EPHX1: variants seen among roughly 807,000 people sequenced by gnomAD.
EPHX1 encodes the protein epoxide hydratase.
EPHX1 carries 40 observed loss-of-function variants against 43.2 expected under a neutral mutation model. The observed-to-expected ratio is 0.93, with a 90% CI of 0.72 to 1.21. EPHX1 has a LOEUF of 1.21. Among genes scored for constraint, EPHX1 ranks in the 50% most tolerant of loss-of-function variants. The pLI is 0.00. For synonymous variants in EPHX1, 221 were observed against 226.7 expected (o/e 0.98, Z 0.22); for missense variants, 550 against 570.4 (o/e 0.96, Z 0.36).
At chr1:225,832,459 C>T (rs1667663891) in intron 3 of EPHX1, among the ~76,000 whole-genome samples, 2 of 152,208 alleles carry the variant, frequency 1.3e-5, no homozygotes, top group African/African-American at 2.4e-5. Flanking sequence ...TGCTTGAAGC[C>T]AGGAGGCGGA....
intron 1 of EPHX1, among the ~76,000 whole-genome samples, chr1:225,811,899 G>A (rs543963750): frequency 1.3e-5 from 2 of 152,266 alleles, no homozygotes; most frequent in Non-Finnish European, 2.9e-5. Flanking sequence ...AGGGGCAGAG[G>A]GATAATAAAC....
intron 1 of EPHX1, among the ~76,000 whole-genome samples, chr1:225,819,770 G>A (rs1439559498): frequency 6.6e-6 from 1 of 152,150 alleles, no homozygotes; most frequent in African/African-American, 2.4e-5. Context: ...GGTACTGTCT[G>A]GGCCCCAGGT....
chr1:225,826,556 C>T (rs936356647), intron 1 of EPHX1, among the ~76,000 whole-genome samples: 1 of 143,232 alleles, frequency 7.0e-6, no homozygotes, highest in Admixed American at 7.0e-5. Context: ...AAGGCCTGCC[C>T]CCTGGCACAT....
intron 3 of EPHX1, among the ~76,000 whole-genome samples, chr1:225,833,504 AAG>A: frequency 6.6e-6 from 1 of 152,084 alleles, no homozygotes; most frequent in Non-Finnish European, 1.5e-5. Flanking sequence ...CTCTTAAAAA[AAG>A]AGAGAGAGGC....
chr1:225,830,017 G>T (rs971978070), intron 2 of EPHX1, among the ~76,000 whole-genome samples: 4 of 152,314 alleles, frequency 2.6e-5, no homozygotes, highest in Admixed American at 6.5e-5. Flanking sequence ...GGCAGAGGCT[G>T]CAGTGAGCCA....
intron 1 of EPHX1, among the ~76,000 whole-genome samples, chr1:225,826,164 G>A (rs1667222724): frequency 6.6e-6 from 1 of 152,042 alleles, no homozygotes. Context: ...GCTTGGGATT[G>A]AAAGATGAAA....
At chr1:225,810,542 C>T (rs1031975141) in intron 1 of EPHX1, 5 of 152,082 alleles carry the variant, frequency 3.3e-5, no homozygotes, top group South Asian at 2.1e-4. Context: ...GTGAAATGCA[C>T]TTAATTTGTC....
chr1:225,845,431 A>G lies in EPHX1; in HGVS notation c.*84A>G, dbSNP rs553619695. ...GGGGAAGATACCCCTTTTCTGAGGA[A>G]TGAGTTTGCCTCCGTCCCCTGCCCA... On this transcript the variant is annotated 3_prime_UTR_variant, in exon 9 of 9. Transcript: ENST00000272167. 1.7e-5 allele frequency: 24 copies of G among 1,439,174 alleles called. No individual in the cohort carries two copies. In the African/African-American group the frequency reaches 3.2e-4, roughly 19 times the overall value. 89.2% of individuals were successfully genotyped at this position (1,439,174 alleles called of 1,614,324 possible).
At chr1:225,827,122 C>T (rs1320034868) in intron 1 of EPHX1, among the ~76,000 whole-genome samples, 1 of 152,192 alleles carries the variant, frequency 6.6e-6, no homozygotes, top group Non-Finnish European at 1.5e-5. Flanking sequence ...CAGCTCTTGA[C>T]AGGAGCAAAC....
chr1:225,822,228 C>T (rs989967187), intron 1 of EPHX1, among the ~76,000 whole-genome samples: 2 of 152,106 alleles, frequency 1.3e-5, no homozygotes, highest in African/African-American at 2.4e-5. Flanking sequence ...ATCTTCCAGT[C>T]ACGTTTTTAA....
intron 2 of EPHX1, among the ~76,000 whole-genome samples, chr1:225,829,461 C>A (rs571983219): frequency 6.6e-6 from 1 of 152,260 alleles, no homozygotes; most frequent in East Asian, 1.9e-4. Context: ...AGCTAACATG[C>A]GGAAGGATTT....
intron 1 of EPHX1, 77 bp from the exon 2 acceptor site, chr1:225,828,648 C>T (rs1397697011): frequency 2.7e-6 from 4 of 1,493,736 alleles, no homozygotes; most frequent in African/African-American, 1.4e-5. Flanking sequence ...AAAGAGCCTG[C>T]TGGGGATCAG....
intron 1 of EPHX1, among the ~76,000 whole-genome samples, chr1:225,815,548 C>T (rs769278199): frequency 9.2e-5 from 14 of 152,066 alleles, no homozygotes; most frequent in African/African-American, 2.9e-4. Context: ...CCACGGCACC[C>T]GGTCGAGATG....
chr1:225,814,153 G>C (rs1666613171), intron 1 of EPHX1, among the ~76,000 whole-genome samples: 1 of 152,318 alleles, frequency 6.6e-6, no homozygotes. Flanking sequence ...TGTAATCCCA[G>C]CATTTTGGGA....
At chr1:225,829,462 G>A (rs1455700319) in intron 2 of EPHX1, among the ~76,000 whole-genome samples, 9 of 152,184 alleles carry the variant, frequency 5.9e-5, no homozygotes, top group African/African-American at 1.2e-4. Context: ...GCTAACATGC[G>A]GAAGGATTTG....
Position 225,817,637 on chromosome 1 carries a change from T to G in EPHX1, c.-6+7468T>G, listed in dbSNP as rs1351960564. 1.3e-5 allele frequency among the ~76,000 whole-genome samples: 2 copies of G among 152,130 alleles called. No individual in the cohort carries two copies. Among genetic ancestry groups the G allele is most frequent in the Non-Finnish European group, 2.9e-5 (2 of 68,000 alleles). On this transcript the variant is annotated intron_variant, in intron 1 of 8. Transcript: ENST00000272167. This position sits in a 1 kb window ranked among gnomAD's most constrained non-coding sequence, Gnocchi z 5.7. ...TCCCTTACCCTCTCTGCCCCCACAC[T>G]TTCCTCCCCAAAGTGGCAGACTTCC...
Position 225,844,010 on chromosome 1 carries a change from G to A in EPHX1, c.1041-488G>A, listed in dbSNP as rs528434224. ...TGGAAGGTGGGGTGGGGGCTGTGGA[G>A]TATGCATCCTGGACCCAAGCTGGCT... On this transcript the variant is annotated intron_variant, in intron 7 of 8. Transcript: ENST00000272167. Among the ~76,000 whole-genome samples the A allele has an allele frequency of 2.6e-5, 4 of 152,158 alleles. No homozygotes were observed. The South Asian group carries it at 8.3e-4, about 32-fold the overall frequency.
At position 225,831,787 on chromosome 1, in the gene EPHX1, C is replaced by T. The variant is rs1039848704; in HGVS notation, c.192C>T (p.His64=). 14 of 1,613,912 alleles carry T rather than the reference C, an allele frequency of 8.7e-6. No homozygotes were observed. The highest frequency in any genetic ancestry group is 1.1e-5 in the Non-Finnish European group (13 of 1,180,050). The stretch of plus-strand genomic sequence containing the variant: ...CCTGAATTTTGCTCCAGGACTTACA[C>T]CAGAGGATCGATAAGTTCCGTTTCA... ...ETSDEEIHDL[H]QRIDKFRFTP... The change falls in exon 3 of 9, where the codon CAC becomes CAT. Residue 64 remains histidine (H), a synonymous_variant. Coordinates refer to ENST00000272167, the MANE Select transcript of EPHX1 (RefSeq NM_001136018.4).
intron 3 of EPHX1, among the ~76,000 whole-genome samples, chr1:225,836,334 C>T (rs955076894): frequency 1.3e-5 from 2 of 152,200 alleles, no homozygotes; most frequent in Non-Finnish European, 2.9e-5. Context: ...TGGCTCACGC[C>T]AGTAATCCCA....
Sources: allele counts gnomAD v4.1 joint callset (sites outside exome capture counted in the v4.1 genomes callset), GRCh38; gene constraint gnomAD v4.1.1; non-coding constraint Gnocchi (gnomAD v3.1); transcripts MANE v1.5; gene names NCBI Gene and HGNC (gene_info 2026-07-23, HGNC 2026-07-21).